NAV2: variants seen among roughly 807,000 people sequenced by gnomAD.
NAV2 encodes the protein helicase, APC down-regulated 1.
In NAV2, 54 loss-of-function variants were observed where a neutral mutation model predicts 223.2. The ratio of observed to expected loss-of-function variants is 0.24; its 90% CI spans 0.19 to 0.30. NAV2 has a LOEUF of 0.30. Among genes scored for constraint, NAV2 ranks in the 10% least tolerant of loss-of-function variants. NAV2 has a pLI of 1.00. For missense variants in NAV2, 2,806 were observed against 3,147.5 expected (o/e 0.89, Z 2.60); for synonymous variants, 1,279 against 1,239.3 (o/e 1.03, Z -0.67).
intron 1 of NAV2, among the ~76,000 whole-genome samples, chr11:19,733,963 A>G (rs1417482268): frequency 6.6e-6 from 1 of 152,204 alleles, no homozygotes; most frequent in African/African-American, 2.4e-5. Context: ...TAATGCTCAC[A>G]ACAATCTTAT....
At chr11:19,547,572 A>G (rs111634040) in intron 1 of NAV2, among the ~76,000 whole-genome samples, 2 of 152,012 alleles carry the variant, frequency 1.3e-5, no homozygotes, top group South Asian at 2.1e-4. Flanking sequence ...CTGGCTTCCA[A>G]CTGCAGGTTT....
chr11:19,893,285 A>G (rs140788489), intron 6 of NAV2, among the ~76,000 whole-genome samples: 2 of 152,296 alleles, frequency 1.3e-5, no homozygotes, highest in African/African-American at 4.8e-5. Context: ...CATTGGAGAA[A>G]CTAAGGTAGT....
At chr11:19,491,691 T>C (rs1483884404) in intron 1 of NAV2, among the ~76,000 whole-genome samples, 13 of 152,258 alleles carry the variant, frequency 8.5e-5, no homozygotes, top group Admixed American at 8.5e-4. Flanking sequence ...TTATCACTTG[T>C]GTGTTCACTG....
intron 1 of NAV2, among the ~76,000 whole-genome samples, chr11:19,402,726 C>T (rs1417129669): frequency 6.6e-6 from 1 of 152,224 alleles, no homozygotes; most frequent in Non-Finnish European, 1.5e-5. Flanking sequence ...TCCATGTATA[C>T]TCTTGTGATT....
intron 11 of NAV2, among the ~76,000 whole-genome samples, chr11:19,988,595 A>G (rs1442713): frequency 0.7 from 105,798 of 151,716 alleles, 37,839 homozygotes; most frequent in Middle Eastern, 0.83. Context: ...TGAATGTTTT[A>G]AGTACTGAGA....
chr11:19,557,648 G>T (rs187269941), intron 1 of NAV2, among the ~76,000 whole-genome samples: 1 of 152,338 alleles, frequency 6.6e-6, no homozygotes, highest in East Asian at 1.9e-4. Context: ...TTCAACTTGA[G>T]CTTCAGGTGG....
At chr11:19,838,167 A>G (rs184432832) in intron 2 of NAV2, among the ~76,000 whole-genome samples, 1 of 152,346 alleles carries the variant, frequency 6.6e-6, no homozygotes, top group East Asian at 1.9e-4. Context: ...ACATATCTAA[A>G]TGAAGGCCTA....
At chr11:20,012,493 G>C (rs1378406573) in intron 11 of NAV2, among the ~76,000 whole-genome samples, 3 of 151,572 alleles carry the variant, frequency 2.0e-5, no homozygotes, top group Non-Finnish European at 4.4e-5. Context: ...TGGCCAACAT[G>C]GAGAAAACCA....
At chr11:19,971,535 C>T (rs1008184712) in intron 10 of NAV2, among the ~76,000 whole-genome samples, 1 of 152,130 alleles carries the variant, frequency 6.6e-6, no homozygotes, top group African/African-American at 2.4e-5. Flanking sequence ...GCCACACAGC[C>T]TTGTTTCCCC....
intron 25 of NAV2, among the ~76,000 whole-genome samples, chr11:20,080,846 G>A (rs1425940075): frequency 6.6e-6 from 1 of 152,220 alleles, no homozygotes; most frequent in Non-Finnish European, 1.5e-5. Flanking sequence ...TTTCTGGACA[G>A]TGGTGCCTTG....
intron 35 of NAV2, among the ~76,000 whole-genome samples, chr11:20,106,199 A>ATGTGTGTGTGTGTGTGTGTGTGTGTG: frequency 3.7e-5 from 1 of 27,042 alleles, no homozygotes; most frequent in Non-Finnish European, 1.2e-4. Context: ...ATATATATAT[A>ATGTGTGTGTGTGTGTGTGTGTGTGTG]TATATATATA....
intron 1 of NAV2, among the ~76,000 whole-genome samples, chr11:19,453,940 T>G (rs1026024410): frequency 6.6e-6 from 1 of 152,188 alleles, no homozygotes; most frequent in Non-Finnish European, 1.5e-5. Flanking sequence ...TCATTTTTCC[T>G]TATTAATTGC....
At chr11:19,963,148 GTCGCTAACTGCT>G (rs1477608198) in intron 10 of NAV2, among the ~76,000 whole-genome samples, 7 of 152,218 alleles carry the variant, frequency 4.6e-5, no homozygotes, top group African/African-American at 1.7e-4. Context: ...GTAATTCATA[GTCGCTAACTGCT>G]TTGGAGAGTT....
chr11:20,054,300 T>C, intron 18 of NAV2, 60 bp downstream of exon 18: 6 of 1,450,266 alleles, frequency 4.1e-6, no homozygotes, highest in Non-Finnish European at 5.5e-6. Context: ...GGTTATCTTA[T>C]ATACATAACA....
chr11:19,519,331 T>C (rs2043568150), intron 1 of NAV2, among the ~76,000 whole-genome samples: 1 of 152,134 alleles, frequency 6.6e-6, no homozygotes, highest in African/African-American at 2.4e-5. Flanking sequence ...GCATGGGCTC[T>C]CGTAAGGTGC....
At chr11:19,889,695 CAACCCAAGGAA>C (rs1475349755) in intron 5 of NAV2, among the ~76,000 whole-genome samples, 1 of 152,196 alleles carries the variant, frequency 6.6e-6, no homozygotes, top group African/African-American at 2.4e-5. Context: ...CTGACCATGA[CAACCCAAGGAA>C]AACCCAGAAC....
intron 1 of NAV2, chr11:19,519,622 T>G (rs539569759): frequency 6.6e-6 from 1 of 152,376 alleles, no homozygotes; most frequent in Non-Finnish European, 1.5e-5. Flanking sequence ...TTTTCCAGGT[T>G]TGACATTCAG....
intron 1 of NAV2, chr11:19,504,824 G>A (rs544672981): frequency 3.3e-5 from 5 of 152,342 alleles, no homozygotes; most frequent in Non-Finnish European, 5.9e-5. Flanking sequence ...AGCAGTTTCT[G>A]TGTGGGGGCC....
chr11:20,117,568 C>G (rs2063221325), intron 37 of NAV2, among the ~76,000 whole-genome samples: 1 of 152,120 alleles, frequency 6.6e-6, no homozygotes, highest in Non-Finnish European at 1.5e-5. Context: ...ACCTCCCTGC[C>G]AAGGCTTCCA....
Sources: allele counts gnomAD v4.1 joint callset (sites outside exome capture counted in the v4.1 genomes callset), GRCh38; gene constraint gnomAD v4.1.1; transcripts MANE v1.5; gene names NCBI Gene and HGNC (gene_info 2026-07-23, HGNC 2026-07-21).